The following NAP1L4 variants were observed in gnomAD, a reference collection of about 807,000 sequenced individuals.
NAP1L4 encodes the protein nucleosome assembly protein 1 like 4, also known as nucleosome assembly protein 1-like 4.
NAP1L4 carries 15 observed loss-of-function variants against 58.2 expected under a neutral mutation model. The observed-to-expected ratio is 0.26, with a 90% CI of 0.17 to 0.40. NAP1L4 has a LOEUF of 0.40. Ranked by LOEUF, NAP1L4 falls within the 10% of genes least tolerant of loss-of-function variation. The probability of loss-of-function intolerance (pLI) is 1.00; values close to 1 mark genes in which losing one functional copy is unlikely to be tolerated. For synonymous variants in NAP1L4, 171 were observed against 155.6 expected (o/e 1.10, Z -0.74); for missense variants, 384 against 451.1 (o/e 0.85, Z 1.35).
At chr11:2,984,400 C>T (rs185316650) in intron 1 of NAP1L4, among the ~76,000 whole-genome samples, 98 of 152,126 alleles carry the variant, frequency 6.4e-4, no homozygotes, top group African/African-American at 2.3e-3. Flanking sequence ...CGGAGAAACC[C>T]GTCTCTACTA....
intron 10 of NAP1L4, among the ~76,000 whole-genome samples, chr11:2,957,232 C>T (rs1846597929): frequency 6.6e-6 from 1 of 152,170 alleles, no homozygotes; most frequent in East Asian, 1.9e-4. Context: ...AGACAATCTC[C>T]AGTATGCCCA....
chr11:2,968,340 G>A (rs1847411007), intron 7 of NAP1L4, among the ~76,000 whole-genome samples: 1 of 152,178 alleles, frequency 6.6e-6, no homozygotes, highest in Non-Finnish European at 1.5e-5. Context: ...CACAGGGTGA[G>A]ACTACGGCTC....
At chr11:2,984,894 C>A (rs781091310) in intron 1 of NAP1L4, among the ~76,000 whole-genome samples, 3 of 152,118 alleles carry the variant, frequency 2.0e-5, no homozygotes, top group Non-Finnish European at 2.9e-5. Flanking sequence ...ACTTTAAACA[C>A]TGCACCCTTT....
In NAP1L4 at chr11:2,946,334, C is replaced by G. The variant is rs1384914009; in HGVS notation, c.*33-688G>C. ...ACGGCATCCGGGACACAAAATTCCC[C>G]TCCCAGAGGAATGGATTAACTCCAA... On this transcript the variant is annotated intron_variant, in intron 15 of 15. Coordinates refer to ENST00000380542, the MANE Select transcript of NAP1L4 (RefSeq NM_005969.4). This position sits in a 1 kb window ranked among gnomAD's most constrained non-coding sequence, Gnocchi z 4.8. Among the ~76,000 whole-genome samples, 2 of 152,186 alleles carry G rather than the reference C, an allele frequency of 1.3e-5. No individual in the cohort carries two copies. The highest frequency in any genetic ancestry group is 4.8e-5 in the African/African-American group (2 of 41,434).
chr11:2,973,816 T>G (rs1170465844), intron 4 of NAP1L4, among the ~76,000 whole-genome samples: 2 of 152,230 alleles, frequency 1.3e-5, no homozygotes, highest in Non-Finnish European at 2.9e-5. Context: ...TTGCCCAGGC[T>G]GCAGTGCACT....
chr11:2,989,240 A>G (rs1021505034), intron 1 of NAP1L4: 1 of 152,180 alleles, frequency 6.6e-6, no homozygotes, highest in Non-Finnish European at 1.5e-5. Flanking sequence ...GTAATATCAG[A>G]TTTCTACTCT....
In NAP1L4 at chr11:2,945,436, A is replaced by C. The variant is rs1845889399; in HGVS notation, c.*243T>G. The C allele has an allele frequency of 1.7e-5, 11 of 639,688 alleles. No individual in the cohort carries two copies. The highest frequency in any genetic ancestry group is 2.4e-5 in the Non-Finnish European group (9 of 374,896). 39.6% of individuals were successfully genotyped at this position (639,688 alleles called of 1,614,324 possible). A position where few individuals can be genotyped will look rare whatever the true frequency, so the allele number is the denominator to read the frequency against. On this transcript the variant is annotated 3_prime_UTR_variant, in exon 16 of 16. Transcript: ENST00000380542. ...AATGCATTTCAGTTGCCACTGTACA[A>C]GTTAAGCAAAATAATAAGGAAAAAG...
intron 9 of NAP1L4, chr11:2,958,786 T>C (rs991667533): frequency 3.8e-6 from 2 of 527,544 alleles, no homozygotes; most frequent in African/African-American, 3.8e-5. Context: ...ATGGTATTAT[T>C]TTCCCAAGAC....
intron 1 of NAP1L4, chr11:2,991,036 A>G: frequency 2.2e-6 from 1 of 453,056 alleles, no homozygotes; most frequent in Non-Finnish European, 4.5e-6. Context: ...GGAAAAAGTA[A>G]TGCAGACTGG....
At chr11:2,991,350 T>G (rs1406695520) in intron 1 of NAP1L4, 1 of 291,730 alleles carries the variant, frequency 3.4e-6, no homozygotes, top group Non-Finnish European at 7.1e-6. Flanking sequence ...ACAAAGACTC[T>G]GGTCAGGTCA....
chr11:2,946,782 C>T lies in NAP1L4; in HGVS notation c.*33-1136G>A, dbSNP rs1003977863. On this transcript the variant is annotated intron_variant, in intron 15 of 15. Coordinates refer to ENST00000380542, the MANE Select transcript of NAP1L4 (RefSeq NM_005969.4). The surrounding 1 kb of genome is among the most constrained non-coding windows in gnomAD (Gnocchi z 4.8). ...GGCTGCCCAAAGAGCCTGGCCAAGA[C>T]AAAACGAGGCTGACCAAAAACCCTC... Among the ~76,000 whole-genome samples the T allele has an allele frequency of 3.9e-5, 6 of 152,238 alleles. No homozygotes were observed. Among genetic ancestry groups the T allele is most frequent in the Admixed American group, 1.3e-4 (2 of 15,284 alleles).
chr11:2,952,102 G>T (rs1846258734), intron 12 of NAP1L4: 1 of 479,242 alleles, frequency 2.1e-6, no homozygotes, highest in Non-Finnish European at 3.7e-6. Context: ...TGCCCTGGCT[G>T]TTCTCACACC....
intron 10 of NAP1L4, among the ~76,000 whole-genome samples, chr11:2,956,668 G>C (rs1846561986): frequency 1.3e-5 from 2 of 152,208 alleles, no homozygotes; most frequent in Non-Finnish European, 2.9e-5. Flanking sequence ...TTTAGACATG[G>C]GTTAGGAGCA....
At chr11:2,986,156 A>G (rs960159247) in intron 1 of NAP1L4, among the ~76,000 whole-genome samples, 12 of 152,172 alleles carry the variant, frequency 7.9e-5, no homozygotes, top group African/African-American at 2.4e-4. Flanking sequence ...GGCGGATCAC[A>G]TGAGGTCGGG....
intron 2 of NAP1L4, among the ~76,000 whole-genome samples, chr11:2,978,935 T>G (rs964414785): frequency 5.9e-5 from 9 of 151,940 alleles, no homozygotes; most frequent in African/African-American, 2.4e-5. Context: ...GTTAGGAGAG[T>G]GTCAAAATTA....
At chr11:2,960,651 C>T (rs938255544) in intron 8 of NAP1L4, among the ~76,000 whole-genome samples, 3 of 152,110 alleles carry the variant, frequency 2.0e-5, no homozygotes, top group African/African-American at 7.2e-5. Context: ...GTACTGAGCA[C>T]ACTCATGTAC....
Position 2,969,131 on chromosome 11 carries a change from C to T in NAP1L4, c.534+672G>A, listed in dbSNP as rs1050822778. On this transcript the variant is annotated intron_variant, in intron 7 of 15. Transcript: ENST00000380542. ...TCAGCCTCCCAAGTACCTGGGACCA[C>T]AGGCGCACACCACAACGCCCAGCTA... is the stretch of plus-strand genomic sequence containing the variant. Among the ~76,000 whole-genome samples, 4 of 151,820 alleles carry T rather than the reference C, an allele frequency of 2.6e-5. No individual in the cohort carries two copies. In the East Asian group the frequency reaches 5.8e-4, roughly 22 times the overall value.
At chr11:2,956,588 G>A (rs1846554402) in intron 10 of NAP1L4, among the ~76,000 whole-genome samples, 1 of 152,168 alleles carries the variant, frequency 6.6e-6, no homozygotes, top group Non-Finnish European at 1.5e-5. Flanking sequence ...CATGAATGTT[G>A]GGTGCGTAAA....
At position 2,955,876 on chromosome 11, in the gene NAP1L4, C is replaced by T; in HGVS notation, c.893-110G>A. 1.0e-6 allele frequency: 1 copy of T among 1,000,366 alleles called. No individual in the cohort carries two copies. The highest frequency in any genetic ancestry group is 1.6e-5 in the African/African-American group (1 of 60,844). 62.0% of individuals were successfully genotyped at this position (1,000,366 alleles called of 1,614,324 possible). A position where few individuals can be genotyped will look rare whatever the true frequency, so the allele number is the denominator to read the frequency against. On this transcript the variant is annotated intron_variant, in intron 10 of 15. Coordinates refer to ENST00000380542, the MANE Select transcript of NAP1L4 (RefSeq NM_005969.4). This position sits in a 1 kb window ranked among gnomAD's most constrained non-coding sequence, Gnocchi z 4.2. ...GTAGATAAAATGTAACATTTCTCAC[C>T]TCGAGGTTTAACAGAAATCCCCAAA... is the stretch of plus-strand genomic sequence containing the variant.
Sources: gnomAD v4.1 joint callset for allele counts (sites outside exome capture counted in the v4.1 genomes callset) on GRCh38, gnomAD v4.1.1 for gene constraint, Gnocchi (gnomAD v3.1) non-coding constraint, MANE v1.5 for transcripts, NCBI Gene and HGNC (gene_info 2026-07-23, HGNC 2026-07-21) for gene names.